The following CHD9 variants were observed in gnomAD, a reference collection of about 807,000 sequenced individuals.
The protein encoded by CHD9 is ATP-dependent chromatin remodeler CHD9.
A neutral mutation model predicts 316.1 loss-of-function variants in CHD9; 77 were observed. That is an observed-to-expected ratio of 0.24 (90% CI 0.20 to 0.29). The LOEUF is 0.29. CHD9 is among the 10% of genes least tolerant of loss of function. CHD9 has a pLI of 1.00. For missense variants in CHD9, 2,763 were observed against 3,438.1 expected, an observed-to-expected ratio of 0.80 and a Z score of 4.91; for synonymous variants, 1,129 against 1,158.3, an observed-to-expected ratio of 0.97 and a Z score of 0.51.
chr16:53,098,930 G>C (rs1218199499), intron 1 of CHD9, among the ~76,000 whole-genome samples: 4 of 152,152 alleles, frequency 2.6e-5, no homozygotes, highest in Non-Finnish European at 5.9e-5. Flanking sequence ...AGTAATTATA[G>C]CTTTCCTCTA....
rs541569576 is a variant in CHD9, at chr16:53,302,015, G to A, written c.5714-1705G>A. Among the ~76,000 whole-genome samples, 25 of 151,590 alleles carry A rather than the reference G, an allele frequency of 1.6e-4. No homozygotes were observed. The South Asian group carries it at 3.1e-3, about 19-fold the overall frequency. ...CCTGACCTCATGATCCACCCGCCTC[G>A]GCCTCCCAAAGTACTGGGATTGCAG... is the stretch of plus-strand genomic sequence containing the variant. On this transcript the variant is annotated intron_variant, in intron 30 of 38. Coordinates refer to ENST00000447540, the MANE Select transcript of CHD9 (RefSeq NM_001308319.2).
chr16:53,289,179 TTAAAG>T (rs1268804082), intron 27 of CHD9, among the ~76,000 whole-genome samples: 2 of 151,916 alleles, frequency 1.3e-5, no homozygotes, highest in African/African-American at 2.4e-5. Flanking sequence ...ATTAAAGACA[TTAAAG>T]AAAGAACCAG....
Position 53,286,206 on chromosome 16 carries a change from G to A in CHD9, c.5072-20G>A. 1 of 1,387,494 alleles carries A rather than the reference G, an allele frequency of 7.2e-7. No homozygotes were observed. Among genetic ancestry groups the A allele is most frequent in the Non-Finnish European group, 1.0e-6 (1 of 977,274 alleles). 85.9% of individuals were successfully genotyped at this position (1,387,494 alleles called of 1,614,324 possible). A position where few individuals can be genotyped will look rare whatever the true frequency, so the allele number is the denominator to read the frequency against. On this transcript the variant is annotated intron_variant, in intron 25 of 38. Coordinates refer to ENST00000447540, the MANE Select transcript of CHD9 (RefSeq NM_001308319.2). ...TCTTCTTTTTATCTTTTTTACTTTT[G>A]TAATTGGTGATGTTTTCAGGATATG... is the stretch of plus-strand genomic sequence containing the variant.
chr16:53,280,617 A>G (rs1049992358), intron 24 of CHD9, among the ~76,000 whole-genome samples: 10 of 151,920 alleles, frequency 6.6e-5, no homozygotes, highest in African/African-American at 2.2e-4. Context: ...ACAAATCACC[A>G]CTAAAGAACT....
In CHD9 at chr16:53,288,916, T is replaced by C. The variant is rs1351411674; in HGVS notation, c.5247+902T>C. ...AAGGATCAGTCCTTTACTGGTAATA[T>C]ATCTAGGGTGCCTGGTAAAAACAAA... On this transcript the variant is annotated intron_variant, in intron 27 of 38. Transcript: ENST00000447540. Among the ~76,000 whole-genome samples the C allele has an allele frequency of 2.6e-5, 4 of 151,674 alleles. No homozygotes were observed. In the East Asian group the frequency reaches 7.7e-4, roughly 29 times the overall value.
At chr16:53,259,879 A>G (rs1488306461) in intron 19 of CHD9, among the ~76,000 whole-genome samples, 5 of 152,214 alleles carry the variant, frequency 3.3e-5, no homozygotes, top group Non-Finnish European at 7.3e-5. Context: ...GATTGGTTAA[A>G]TCTCAAGAGG....
chr16:53,201,152 A>G (rs1475033548), intron 2 of CHD9, among the ~76,000 whole-genome samples: 1 of 152,196 alleles, frequency 6.6e-6, no homozygotes, highest in East Asian at 1.9e-4. Flanking sequence ...AGTATTGGGG[A>G]TAATTTATGG....
chr16:53,327,340 A>T lies in CHD9; in HGVS notation c.*2445A>T, dbSNP rs1199708922. ...CCAATCTTTCTTTTGGACATTTGCA[A>T]TATTTACCAGTTGTGTTTTGTGTAG... On this transcript the variant is annotated 3_prime_UTR_variant, in exon 39 of 39. Transcript: ENST00000447540. 1 of 152,506 alleles carries T rather than the reference A, an allele frequency of 6.6e-6. No homozygotes were observed. The highest frequency in any genetic ancestry group is 1.5e-5 in the Non-Finnish European group (1 of 67,982). 9.4% of individuals were successfully genotyped at this position (152,506 alleles called of 1,614,324 possible).
At position 53,324,442 on chromosome 16, in the gene CHD9, T is replaced by C. The variant is rs1417489633; in HGVS notation, c.8241T>C (p.Ser2747=). 1 of 1,613,686 alleles carries C rather than the reference T, an allele frequency of 6.2e-7. No homozygotes were observed. Among genetic ancestry groups the C allele is most frequent in the African/African-American group, 1.3e-5 (1 of 75,042 alleles). The change falls in exon 39 of 39, where the codon TCT becomes TCC. Residue 2747 remains serine, a synonymous_variant. Transcript: ENST00000447540. ...SGTEDKKGSD[S]KESEGKTERT... is the part of the protein sequence containing the mutation. ...CAGAAGACAAAAAGGGAAGTGACTC[T>C]AAGGAGTCAGAAGGAAAAACAGAAA...
intron 27 of CHD9, among the ~76,000 whole-genome samples, chr16:53,288,650 T>C (rs1288244265): frequency 6.6e-6 from 1 of 152,154 alleles, no homozygotes. Context: ...GAGACAAGGC[T>C]TGCTCCAGTG....
At chr16:53,232,890 A>G (rs1199190478) in intron 10 of CHD9, among the ~76,000 whole-genome samples, 1 of 152,184 alleles carries the variant, frequency 6.6e-6, no homozygotes, top group Non-Finnish European at 1.5e-5. Flanking sequence ...ATGTACAATT[A>G]CTATACACTT....
Position 53,238,525 on chromosome 16 carries a change from A to G in CHD9, c.2816A>G (p.His939Arg). The G allele has an allele frequency of 6.2e-7, 1 of 1,613,272 alleles. No homozygotes were observed. The highest frequency in any genetic ancestry group is 8.5e-7 in the Non-Finnish European group (1 of 1,179,368). Residue 939 changes from histidine (H) to arginine (R), a missense_variant, in exon 12 of 39, where the codon CAT becomes CGT. Physicochemically the swap from His to Arg is conservative, Grantham distance 29. Around this residue, in one of 15 missense-constraint regions of CHD9, gnomAD observed 186 missense variants for 245.0 expected, o/e 0.76. Transcript: ENST00000447540. ...ACTGATATTAACGTTGTGGTTTATC[A>G]TGGGAGCCTGATTAGCAGACAAATG... ...TWTDINVVVY[H>R]GSLISRQMIQ...
chr16:53,115,795 A>C (rs926594379), intron 1 of CHD9, among the ~76,000 whole-genome samples: 2 of 152,190 alleles, frequency 1.3e-5, no homozygotes, highest in Non-Finnish European at 2.9e-5. Flanking sequence ...AAATATATAA[A>C]CAGGACTGCG....
chr16:53,249,503 A>G (rs957491536), intron 16 of CHD9, among the ~76,000 whole-genome samples: 1 of 152,236 alleles, frequency 6.6e-6, no homozygotes, highest in African/African-American at 2.4e-5. Context: ...AGAAACATTC[A>G]TAGCCTTCTT....
chr16:53,286,382 C>T, intron 26 of CHD9, 39 bp downstream of exon 26: 1 of 1,037,992 alleles, frequency 9.6e-7, no homozygotes, highest in Non-Finnish European at 1.5e-6. Flanking sequence ...CTATATATCT[C>T]TCTTCTATTC....
At chr16:53,104,994 A>AC (rs1463898501) in intron 1 of CHD9, among the ~76,000 whole-genome samples, 16 of 136,014 alleles carry the variant, frequency 1.2e-4, no homozygotes, top group Non-Finnish European at 1.7e-4. Flanking sequence ...ATTAAAAAAA[A>AC]ACAAAAAAAC....
chr16:53,143,281 A>G (rs1324844548), intron 1 of CHD9, among the ~76,000 whole-genome samples: 1 of 152,080 alleles, frequency 6.6e-6, no homozygotes, highest in Non-Finnish European at 1.5e-5. Context: ...ATAGAGTAGT[A>G]TACATGTGGA....
chr16:53,118,793 CTTTTTTTTT>C (rs565529283), intron 1 of CHD9, among the ~76,000 whole-genome samples: 1 of 127,164 alleles, frequency 7.9e-6, no homozygotes, highest in Non-Finnish European at 1.6e-5. Flanking sequence ...AGATAACTTT[CTTTTTTTTT>C]TTTTTTTTTT....
At chr16:53,237,525 A>G (rs1248028643) in intron 11 of CHD9, among the ~76,000 whole-genome samples, 2 of 151,618 alleles carry the variant, frequency 1.3e-5, no homozygotes, top group South Asian at 2.1e-4. Flanking sequence ...TCTTCCTTTT[A>G]CCCTCCCCTC....
Sources: allele counts gnomAD v4.1 joint callset (sites outside exome capture counted in the v4.1 genomes callset), GRCh38; gene constraint gnomAD v4.1.1; regional missense constraint gnomAD v4.1.1; transcripts MANE v1.5; gene names NCBI Gene and HGNC (gene_info 2026-07-23, HGNC 2026-07-21).